NSRP1: variants seen among roughly 807,000 people sequenced by gnomAD.
NSRP1 encodes coiled-coil domain containing 55.
Under a neutral mutation model 54.7 loss-of-function variants are expected in NSRP1, and 24 were observed. That is an observed-to-expected ratio of 0.44 (90% CI 0.32 to 0.62). NSRP1 has a LOEUF of 0.62. NSRP1 is among the 20% of genes least tolerant of loss of function. The probability of loss-of-function intolerance (pLI) is 0.06; values close to 1 mark genes in which losing one functional copy is unlikely to be tolerated. For missense variants in NSRP1, 596 were observed against 651.2 expected, an observed-to-expected ratio of 0.92 and a Z score of 0.92; for synonymous variants, 210 against 213.8, an observed-to-expected ratio of 0.98 and a Z score of 0.15.
chr17:30,164,722 C>T (rs773138801), intron 2 of NSRP1, among the ~76,000 whole-genome samples: 4 of 152,060 alleles, frequency 2.6e-5, no homozygotes, highest in Non-Finnish European at 4.4e-5. Flanking sequence ...TGCTTGAGCC[C>T]GGGAGGTCGA....
chr17:30,136,456 T>A (rs2071751932), intron 2 of NSRP1, among the ~76,000 whole-genome samples: 1 of 152,222 alleles, frequency 6.6e-6, no homozygotes, highest in Admixed American at 6.5e-5. Context: ...GATATGGCTT[T>A]ACGTGTTTGA....
intron 5 of NSRP1, 118 bp downstream of exon 5, chr17:30,179,415 A>T (rs1050718600): frequency 2.2e-6 from 3 of 1,364,444 alleles, no homozygotes; most frequent in Non-Finnish European, 2.9e-6. Context: ...TAATTTATAT[A>T]TAGGAATTCA....
chr17:30,172,667 G>T, intron 3 of NSRP1, 69 bp downstream of exon 3: 1 of 1,280,814 alleles, frequency 7.8e-7, no homozygotes, highest in Non-Finnish European at 1.1e-6. Context: ...ATCAGTTTTG[G>T]TATCTAGGTG....
At chr17:30,179,068 TA>T in intron 4 of NSRP1, 21 bp from the exon 5 acceptor site, 1 of 1,401,770 alleles carries the variant, frequency 7.1e-7, no homozygotes, top group Non-Finnish European at 9.4e-7. Flanking sequence ...ACTCTTTTCC[TA>T]AATCTTTTTT....
intron 2 of NSRP1, among the ~76,000 whole-genome samples, chr17:30,167,456 A>C (rs1478007576): frequency 6.6e-6 from 1 of 152,046 alleles, no homozygotes; most frequent in Non-Finnish European, 1.5e-5. Context: ...TAAAAATACA[A>C]AAATTAGCTG....
intron 2 of NSRP1, among the ~76,000 whole-genome samples, chr17:30,119,589 G>T (rs372328040): frequency 2.7e-4 from 41 of 151,578 alleles, no homozygotes; most frequent in African/African-American, 9.0e-4. Context: ...TGCAACCTCC[G>T]CCTCCTGGGT....
intron 2 of NSRP1, chr17:30,154,679 TCCAG>T (rs1449253152): frequency 6.8e-6 from 1 of 147,794 alleles, no homozygotes; most frequent in African/African-American, 2.5e-5. Context: ...GCCACTGAAC[TCCAG>T]CCTGGGCAAC....
At chr17:30,179,510 A>G (rs1344183525) in intron 5 of NSRP1, among the ~76,000 whole-genome samples, 1 of 152,238 alleles carries the variant, frequency 6.6e-6, no homozygotes, top group African/African-American at 2.4e-5. Context: ...TTCAGTAACT[A>G]TTATTTCTAC....
intron 2 of NSRP1, among the ~76,000 whole-genome samples, chr17:30,162,697 G>A (rs910587187): frequency 1.3e-5 from 2 of 151,672 alleles, no homozygotes; most frequent in Non-Finnish European, 2.9e-5. Context: ...TATTAGTTAT[G>A]GAATAATTAT....
Position 30,120,623 on chromosome 17 carries a change from A to T in NSRP1, c.114+2450A>T, listed in dbSNP as rs563292708. Among the ~76,000 whole-genome samples, 40 of 152,318 alleles carry T rather than the reference A, an allele frequency of 2.6e-4. No individual in the cohort carries two copies. In the South Asian group the frequency reaches 2.7e-3, roughly 10 times the overall value. On this transcript the variant is annotated intron_variant, in intron 2 of 6. Coordinates refer to ENST00000247026, the MANE Select transcript of NSRP1 (RefSeq NM_032141.4). ...GACATGTGAACATGAATATAAAGCA[A>T]ACTGAAATATGAAAAGGAAACTAAT...
At chr17:30,136,181 CA>C (rs889676316) in intron 2 of NSRP1, among the ~76,000 whole-genome samples, 1 of 152,094 alleles carries the variant, frequency 6.6e-6, no homozygotes, top group Non-Finnish European at 1.5e-5. Context: ...AAACAAAAAA[CA>C]AAAAGAGTAT....
chr17:30,130,219 C>T (rs955703450), intron 2 of NSRP1, among the ~76,000 whole-genome samples: 1 of 152,176 alleles, frequency 6.6e-6, no homozygotes, highest in Non-Finnish European at 1.5e-5. Context: ...CCTCAGCCTC[C>T]CAAGTAGCTG....
At chr17:30,134,229 C>T (rs1246985549) in intron 2 of NSRP1, among the ~76,000 whole-genome samples, 2 of 152,216 alleles carry the variant, frequency 1.3e-5, no homozygotes, top group Non-Finnish European at 2.9e-5. Flanking sequence ...TTTATCTGGG[C>T]ATGGTACATG....
At chr17:30,136,469 T>C (rs552853803) in intron 2 of NSRP1, among the ~76,000 whole-genome samples, 126 of 152,340 alleles carry the variant, frequency 8.3e-4, no homozygotes, top group Middle Eastern at 3.4e-3. Context: ...GTGTTTGATA[T>C]GAATTATCTC....
At chr17:30,165,863 TC>T (rs1259135730) in intron 2 of NSRP1, among the ~76,000 whole-genome samples, 2 of 152,202 alleles carry the variant, frequency 1.3e-5, no homozygotes, top group African/African-American at 2.4e-5. Flanking sequence ...AATAGATTTT[TC>T]TAATTCAGTG....
At chr17:30,184,509 G>T (rs895149334) in intron 6 of NSRP1, 106 bp from the exon 7 acceptor site, 1 of 1,369,132 alleles carries the variant, frequency 7.3e-7, no homozygotes, top group East Asian at 2.5e-5. Context: ...ATCACTATAG[G>T]TGTATTGATT....
intron 2 of NSRP1, among the ~76,000 whole-genome samples, chr17:30,160,385 C>T (rs1457594679): frequency 6.6e-6 from 1 of 152,020 alleles, no homozygotes; most frequent in Non-Finnish European, 1.5e-5. Context: ...AATTGGTATT[C>T]TTTGTAAGTT....
chr17:30,125,261 C>G (rs573458742), intron 2 of NSRP1, among the ~76,000 whole-genome samples: 1 of 152,218 alleles, frequency 6.6e-6, no homozygotes, highest in Non-Finnish European at 1.5e-5. Context: ...CATAATTAGT[C>G]AACAATTTAA....
chr17:30,141,686 G>T (rs1015453676), intron 2 of NSRP1, among the ~76,000 whole-genome samples: 2 of 152,060 alleles, frequency 1.3e-5, no homozygotes, highest in African/African-American at 4.8e-5. Context: ...ATTGGTTATC[G>T]TGACAATTTT....
Sources: allele counts gnomAD v4.1 joint callset (sites outside exome capture counted in the v4.1 genomes callset), GRCh38; gene constraint gnomAD v4.1.1; transcripts MANE v1.5; gene names NCBI Gene and HGNC (gene_info 2026-07-23, HGNC 2026-07-21).